KMT2C: variants seen among roughly 807,000 people sequenced by gnomAD.
KMT2C encodes histone-lysine N-methyltransferase 2C.
In KMT2C, 88 loss-of-function variants were observed where a neutral mutation model predicts 507.9. That is an observed-to-expected ratio of 0.17 (90% CI 0.15 to 0.21). The LOEUF (loss-of-function observed/expected upper bound fraction) is 0.21, where lower values mean the gene tolerates loss of function less well. Among genes scored for constraint, KMT2C ranks in the 10% least tolerant of loss-of-function variants. The probability of loss-of-function intolerance (pLI) is 1.00; values close to 1 mark genes in which losing one functional copy is unlikely to be tolerated. For missense variants in KMT2C, 4,954 were observed against 5,957.8 expected (o/e 0.83, Z 5.55); for synonymous variants, 2,049 against 2,080.8 (o/e 0.98, Z 0.42).
chr7:152,308,673 C>CAAAAAAAAAAAA lies in KMT2C; in HGVS notation c.849+1281_849+1292dup, dbSNP rs938826373. Among the ~76,000 whole-genome samples, 137 of 24,564 alleles carry CAAAAAAAAAAAA rather than the reference C, an allele frequency of 5.6e-3. 13 individuals carry two copies. The highest frequency in any genetic ancestry group is 0.013 in the African/African-American group (87 of 6,728). 16.1% of individuals were successfully genotyped at this position (24,564 alleles called of 152,430 possible). ...CTGCACAACACAGCAAAACTCCTCT[C>CAAAAAAAAAAAA]AAAAAAAAAAAAAAAAAAAAAAAAA... On this transcript the variant is annotated intron_variant, in intron 6 of 58. Transcript: ENST00000262189.
At position 152,162,826 on chromosome 7, in the gene KMT2C, C is replaced by A. The variant is rs752988622; in HGVS notation, c.10751G>T (p.Gly3584Val). Residue 3584 changes from glycine (G) to valine (V), a missense_variant, in exon 43 of 59, where the codon GGA becomes GTA. By Grantham distance (109) the Gly-to-Val change is moderately radical (BLOSUM62 -3). Transcript: ENST00000262189. ...STITHGHSYP[G>V]STQSLIQLYS... is the part of the protein sequence containing the mutation. ...CAACTGAATGAGCGATTGGGTTGATCCCGGATAACTGTGTCCATGGGTTAT... is the reference window on the plus strand; with the variant it reads ...CAACTGAATGAGCGATTGGGTTGATACCGGATAACTGTGTCCATGGGTTAT... 2 of 1,614,056 alleles carry A rather than the reference C, an allele frequency of 1.2e-6. No individual in the cohort carries two copies. The highest frequency in any genetic ancestry group is 1.7e-5 in the Admixed American group (1 of 60,018).
chr7:152,418,773 T>C (rs1241704947), intron 1 of KMT2C, among the ~76,000 whole-genome samples: 1 of 151,810 alleles, frequency 6.6e-6, no homozygotes, highest in East Asian at 1.9e-4. Context: ...TCAAAAATGT[T>C]ATAAAAGATT....
At chr7:152,245,502 A>C (rs2095457907) in intron 14 of KMT2C, among the ~76,000 whole-genome samples, 1 of 152,138 alleles carries the variant, frequency 6.6e-6, no homozygotes, top group Non-Finnish European at 1.5e-5. Flanking sequence ...TGTTTTTTTA[A>C]AGTGTAACTA....
intron 33 of KMT2C, among the ~76,000 whole-genome samples, chr7:152,186,897 T>C (rs1190119128): frequency 2.0e-5 from 3 of 152,206 alleles, no homozygotes; most frequent in Non-Finnish European, 4.4e-5. Flanking sequence ...ATTCGTTTCA[T>C]AAAAACACTA....
At position 152,330,695 on chromosome 7, in the gene KMT2C, C is replaced by A; in HGVS notation, c.295G>T (p.Asp99Tyr). Reference protein sequence around the residue: ...SAEEDAEAEVDNSKQLIPTLQ... With the variant: ...SAEEDAEAEVYNSKQLIPTLQ... ...GTTGGAATTAGCTGTTTGCTGTTAT[C>A]CACTTCTGCTTCAGCATCCTCTTCT... The change falls in exon 3 of 59, where the codon GAT (aspartate) becomes TAT (tyrosine). Residue 99 changes from aspartate to tyrosine, a missense_variant. Coordinates refer to ENST00000262189, the MANE Select transcript of KMT2C (RefSeq NM_170606.3). 1 of 1,613,820 alleles carries A rather than the reference C, an allele frequency of 6.2e-7. No individual in the cohort carries two copies. The highest frequency in any genetic ancestry group is 8.5e-7 in the Non-Finnish European group (1 of 1,179,764).
intron 1 of KMT2C, among the ~76,000 whole-genome samples, chr7:152,384,071 C>T (rs554278687): frequency 1.4e-5 from 2 of 146,508 alleles, no homozygotes; most frequent in South Asian, 4.4e-4. Context: ...TGTGTAGGCG[C>T]GTGTGCATGT....
At chr7:152,220,479 T>G (rs1433273437) in intron 23 of KMT2C, 44 bp downstream of exon 23, 4 of 1,428,864 alleles carry the variant, frequency 2.8e-6, no homozygotes, top group Non-Finnish European at 3.9e-6. Context: ...TTTATATGCT[T>G]TAATTCTTGC....
intron 6 of KMT2C, among the ~76,000 whole-genome samples, chr7:152,301,600 C>T (rs748207441): frequency 2.8e-4 from 43 of 152,086 alleles, no homozygotes; most frequent in Non-Finnish European, 1.5e-4. Flanking sequence ...GACGGGAGGA[C>T]TGCTTGAGCC....
At chr7:152,168,146 G>A (rs1455460792) in intron 41 of KMT2C, among the ~76,000 whole-genome samples, 2 of 150,612 alleles carry the variant, frequency 1.3e-5, no homozygotes, top group African/African-American at 4.9e-5. Context: ...CCAGTCCAAG[G>A]GGAAAAAAAA....
chr7:152,433,003 C>G (rs2097878364), intron 1 of KMT2C, among the ~76,000 whole-genome samples: 1 of 152,056 alleles, frequency 6.6e-6, no homozygotes, highest in Non-Finnish European at 1.5e-5. Context: ...AAAAAATTAG[C>G]TAGGTGCGAT....
chr7:152,326,859 C>T (rs531623178), intron 3 of KMT2C, among the ~76,000 whole-genome samples: 3 of 151,968 alleles, frequency 2.0e-5, no homozygotes, highest in South Asian at 2.1e-4. Flanking sequence ...CCAGCCTGGG[C>T]GACAGAGCAA....
chr7:152,286,734 T>G (rs1460390181), intron 6 of KMT2C, among the ~76,000 whole-genome samples: 1 of 151,836 alleles, frequency 6.6e-6, no homozygotes, highest in Non-Finnish European at 1.5e-5. Context: ...GCAGACCAAT[T>G]AGGGCTTCAG....
chr7:152,136,479 A>G lies in KMT2C; in HGVS notation c.*353T>C, dbSNP rs1406928283. 1.1e-5 allele frequency: 3 copies of G among 266,300 alleles called. No homozygotes were observed. Among genetic ancestry groups the G allele is most frequent in the African/African-American group, 4.4e-5 (2 of 45,778 alleles). The allele number at this position is 266,300 out of a possible 1,614,324, so 16.5% of individuals were successfully genotyped here. A position where few individuals can be genotyped will look rare whatever the true frequency, so the allele number is the denominator to read the frequency against. On this transcript the variant is annotated 3_prime_UTR_variant, in exon 59 of 59. Coordinates refer to ENST00000262189, the MANE Select transcript of KMT2C (RefSeq NM_170606.3). ...CAGCCATCGGCTCTTTGCCCCAGTA[A>G]AAGTTTCTCCTTAGTGAGACTAGAA...
Position 152,259,446 on chromosome 7 carries a change from G to GCGCA in KMT2C, c.1299+3569_1299+3570insTGCG, listed in dbSNP as rs1188729137. On this transcript the variant is annotated intron_variant, in intron 9 of 58. Coordinates refer to ENST00000262189, the MANE Select transcript of KMT2C (RefSeq NM_170606.3). ...GACAAAAACACAGACACACACACGC[G>GCGCA]CACACACACACACACACACACACAC... 5.0e-3 allele frequency among the ~76,000 whole-genome samples: 668 copies of GCGCA among 134,772 alleles called. 5 individuals carry two copies. Among genetic ancestry groups the GCGCA allele is most frequent in the African/African-American group, 0.015 (536 of 35,614 alleles). 88.4% of individuals were successfully genotyped at this position (134,772 alleles called of 152,430 possible).
chr7:152,283,826 G>T (rs2096256671), intron 6 of KMT2C, among the ~76,000 whole-genome samples: 1 of 152,144 alleles, frequency 6.6e-6, no homozygotes, highest in Admixed American at 6.5e-5. Context: ...AATCACAGAA[G>T]GGCTATCAGT....
Position 152,252,100 on chromosome 7 carries a change from T to C in KMT2C, c.1470-10A>G, listed in dbSNP as rs775121272. ...CTCTAGGTGAACCCACCTGCAGTGA[T>C]AAGTATACTTAAATAAAAATTTCTA... On this transcript the variant is annotated splice_polypyrimidine_tract_variant and intron_variant, in intron 10 of 58. Transcript: ENST00000262189. 6.4e-6 allele frequency: 10 copies of C among 1,552,780 alleles called. No individual in the cohort carries two copies. In the African/African-American group the frequency reaches 1.2e-4, roughly 19 times the overall value.
chr7:152,330,831 T>C (rs2096875320), intron 2 of KMT2C, 92 bp from the exon 3 acceptor site: 1 of 1,192,398 alleles, frequency 8.4e-7, no homozygotes, highest in Admixed American at 2.1e-5. Context: ...GGTCATAATG[T>C]AAAAAGAAAC....
intron 6 of KMT2C, among the ~76,000 whole-genome samples, chr7:152,279,692 T>TA (rs78769885): frequency 4.1e-5 from 6 of 147,082 alleles, no homozygotes; most frequent in South Asian, 2.2e-4. Context: ...AAACATCTGC[T>TA]AAAAAAAATA....
chr7:152,288,117 A>G (rs1305844883), intron 6 of KMT2C, among the ~76,000 whole-genome samples: 2 of 151,576 alleles, frequency 1.3e-5, no homozygotes, highest in Non-Finnish European at 2.9e-5. Context: ...AAAGAAACAA[A>G]TACCAAGTTG....
Sources: gnomAD v4.1 joint callset for allele counts (sites outside exome capture counted in the v4.1 genomes callset) on GRCh38, gnomAD v4.1.1 for gene constraint, MANE v1.5 for transcripts, NCBI Gene and HGNC (gene_info 2026-07-23, HGNC 2026-07-21) for gene names.